The following TMEM151B variants were observed in gnomAD, a reference collection of about 807,000 sequenced individuals.
TMEM151B encodes transmembrane protein 151B.
A neutral mutation model predicts 33.0 loss-of-function variants in TMEM151B; 18 were observed. The ratio of observed to expected loss-of-function variants is 0.55; its 90% CI spans 0.38 to 0.81. The LOEUF (loss-of-function observed/expected upper bound fraction) is 0.81, where lower values mean the gene tolerates loss of function less well. Among genes scored for constraint, TMEM151B ranks in the 30% least tolerant of loss-of-function variants. The probability of loss-of-function intolerance (pLI) is 0.00; values close to 1 mark genes in which losing one functional copy is unlikely to be tolerated. For missense variants in TMEM151B, 672 were observed against 843.4 expected (o/e 0.80, Z 2.52); for synonymous variants, 354 against 373.6 (o/e 0.95, Z 0.61).
rs1782676890 is a variant in TMEM151B, at chr6:44,278,419, T to C, written c.*1892T>C. 1 of 152,398 alleles carries C rather than the reference T, an allele frequency of 6.6e-6. No homozygotes were observed. The highest frequency in any genetic ancestry group is 2.4e-5 in the African/African-American group (1 of 41,466). The allele number at this position is 152,398 out of a possible 1,614,324, so 9.4% of individuals were successfully genotyped here. On this transcript the variant is annotated 3_prime_UTR_variant, in exon 3 of 3. Transcript: ENST00000451188. ...CTGTGCTCCTTGGGGGCCTGGCGTT[T>C]GGAGCACCCTTCTTTCCTCTGAATG...
At chr6:44,273,579 C>T in intron 2 of TMEM151B, 73 bp downstream of exon 2, 1 of 1,462,486 alleles carries the variant, frequency 6.8e-7, no homozygotes, top group Non-Finnish European at 9.2e-7. Flanking sequence ...ACTCCCTCCC[C>T]ACCTCCCTGG....
chr6:44,270,945 G>A, intron 1 of TMEM151B, 68 bp downstream of exon 1: 20 of 992,880 alleles, frequency 2.0e-5, no homozygotes, highest in Non-Finnish European at 2.4e-5. Context: ...CATCGCACGC[G>A]TCCCCCGCTG....
At position 44,277,305 on chromosome 6, in the gene TMEM151B, G is replaced by C. The variant is rs1286521299; in HGVS notation, c.*778G>C. 2.0e-5 allele frequency: 3 copies of C among 152,342 alleles called. No homozygotes were observed. Among genetic ancestry groups the C allele is most frequent in the Non-Finnish European group, 4.4e-5 (3 of 68,122 alleles). The allele number at this position is 152,342 out of a possible 1,614,324, so 9.4% of individuals were successfully genotyped here. ...AGGGGAGTGAAATGTGGAGGACTGT[G>C]TACCTCAGTCCTCTCTCTAAACTCC... On this transcript the variant is annotated 3_prime_UTR_variant, in exon 3 of 3. Transcript: ENST00000451188.
Position 44,275,722 on chromosome 6 carries a change from C to A in TMEM151B, c.896C>A (p.Ser299Ter). The A allele has an allele frequency of 6.5e-7, 1 of 1,549,258 alleles. No homozygotes were observed. The highest frequency in any genetic ancestry group is 8.7e-7 in the Non-Finnish European group (1 of 1,146,242). Residue 299 changes from serine (S) to a stop codon, truncating the protein, a stop_gained, in exon 3 of 3, where the codon TCG becomes TAG. Coordinates refer to ENST00000451188, the MANE Select transcript of TMEM151B (RefSeq NM_001137560.2). LOFTEE classifies it high-confidence loss of function. ...GCCCGGCCGCCCTGGTACGCCTGCT[C>A]GTCGGCCTTCTGGGCCGCGGCGCTG... Reference protein sequence around the residue: ...DPARPPWYACSSAFWAAALLT... With the variant: ...DPARPPWYAC
At position 44,270,708 on chromosome 6, in the gene TMEM151B, G is replaced by C; in HGVS notation, c.-35G>C. On this transcript the variant is annotated 5_prime_UTR_variant, in exon 1 of 3. Transcript: ENST00000451188. ...TGCCCCCGGCCCCTGGCAGCCCCCC[G>C]GGAGGTCCTGAGCTCGACGCGCCCC... 1 of 879,000 alleles carries C rather than the reference G, an allele frequency of 1.1e-6. No individual in the cohort carries two copies. The highest frequency in any genetic ancestry group is 1.4e-6 in the Non-Finnish European group (1 of 698,284). The allele number at this position is 879,000 out of a possible 1,614,324, so 54.5% of individuals were successfully genotyped here.
rs916593364 is a variant in TMEM151B, at chr6:44,276,595, A to G, written c.*68A>G. The G allele has an allele frequency of 7.7e-7, 1 of 1,302,836 alleles. No individual in the cohort carries two copies. The highest frequency in any genetic ancestry group is 9.8e-7 in the Non-Finnish European group (1 of 1,025,276). 80.7% of individuals were successfully genotyped at this position (1,302,836 alleles called of 1,614,324 possible). On this transcript the variant is annotated 3_prime_UTR_variant, in exon 3 of 3. Coordinates refer to ENST00000451188, the MANE Select transcript of TMEM151B (RefSeq NM_001137560.2). ...CTCGCCGGACTGTGCTCCCTCTGCG[A>G]CGCAGGGCGAGTCACCACGGTGACT...
Position 44,276,366 on chromosome 6 carries a change from G to C in TMEM151B, c.1540G>C (p.Gly514Arg), listed in dbSNP as rs886626937. 1 of 1,511,190 alleles carries C rather than the reference G, an allele frequency of 6.6e-7. No homozygotes were observed. Among genetic ancestry groups the C allele is most frequent in the Non-Finnish European group, 8.8e-7 (1 of 1,135,322 alleles). The allele number at this position is 1,511,190 out of a possible 1,614,324, so 93.6% of individuals were successfully genotyped here. ...QTRLSSQASM[G>R]DDEDDDEEEA... ...GCGGCTGTCCAGCCAGGCCAGCATGGGGGACGACGAGGACGACGACGAGGA... is the reference window on the plus strand; with the variant it reads ...GCGGCTGTCCAGCCAGGCCAGCATGCGGGACGACGAGGACGACGACGAGGA... Residue 514 changes from glycine to arginine, a missense_variant, in exon 3 of 3, where the codon GGG (glycine) becomes CGG (arginine). This residue lies in a region of TMEM151B where 324 missense variants were observed against 363.1 expected (regional missense o/e 0.89). Coordinates refer to ENST00000451188, the MANE Select transcript of TMEM151B (RefSeq NM_001137560.2).
In TMEM151B at chr6:44,277,815, A is replaced by C. The variant is rs1782652202; in HGVS notation, c.*1288A>C. 6.6e-6 allele frequency: 1 copy of C among 152,462 alleles called. No homozygotes were observed. The highest frequency in any genetic ancestry group is 2.4e-5 in the African/African-American group (1 of 41,404). The allele number at this position is 152,462 out of a possible 1,614,324, so 9.4% of individuals were successfully genotyped here. A position where few individuals can be genotyped will look rare whatever the true frequency, so the allele number is the denominator to read the frequency against. On this transcript the variant is annotated 3_prime_UTR_variant, in exon 3 of 3. Coordinates refer to ENST00000451188, the MANE Select transcript of TMEM151B (RefSeq NM_001137560.2). ...GCCACCACCCCAGGGCGCTGGCCCC[A>C]CGTCCTGTTCCCCTAAAGCTCTGAC...
In TMEM151B at chr6:44,270,754, T is replaced by C. The variant is rs1210479685; in HGVS notation, c.12T>C (p.Pro4=). The change falls in exon 1 of 3, where the codon CCT becomes CCC. Residue 4 remains proline (P), a synonymous_variant. Coordinates refer to ENST00000451188, the MANE Select transcript of TMEM151B (RefSeq NM_001137560.2). ...GCCCCCTCTACGCCATGTCCCCCCC[T>C]GGCTCGGCCGCGGGAGAGAGCGCCG... MSP[P]GSAAGESAAG... 3.0e-6 allele frequency: 3 copies of C among 1,011,898 alleles called. No individual in the cohort carries two copies. The African/African-American group carries it at 5.6e-5, about 19-fold the overall frequency. The allele number at this position is 1,011,898 out of a possible 1,614,324, so 62.7% of individuals were successfully genotyped here.
At position 44,275,786 on chromosome 6, in the gene TMEM151B, C is replaced by T. The variant is rs895324590; in HGVS notation, c.960C>T (p.Tyr320=). 1.2e-5 allele frequency: 19 copies of T among 1,543,346 alleles called. No individual in the cohort carries two copies. The highest frequency in any genetic ancestry group is 1.7e-5 in the Non-Finnish European group (19 of 1,145,062). The change falls in exon 3 of 3, where the codon TAC becomes TAT. Residue 320 remains tyrosine (Y), a synonymous_variant. Coordinates refer to ENST00000451188, the MANE Select transcript of TMEM151B (RefSeq NM_001137560.2). Reference sequence around the variant, plus strand: ...GGCCGCTGCGAGTGCTGGCCGAGTACCGCACGGCCTACGCGCACTACCACG... The same window carrying T: ...GGCCGCTGCGAGTGCTGGCCGAGTATCGCACGGCCTACGCGCACTACCACG... ...LSWPLRVLAE[Y]RTAYAHYHVE... is the part of the protein sequence containing the mutation.
Position 44,270,677 on chromosome 6 carries a change from G to T in TMEM151B, c.-66G>T. On this transcript the variant is annotated 5_prime_UTR_variant, in exon 1 of 3. Transcript: ENST00000451188. The stretch of plus-strand genomic sequence containing the variant: ...CTCCCGTCCTCTCCCCAGGGCCCGC[G>T]CAGGATGCCCCCGGCCCCTGGCAGC... 2.5e-6 allele frequency: 1 copy of T among 393,252 alleles called. No homozygotes were observed. The highest frequency in any genetic ancestry group is 3.7e-6 in the Non-Finnish European group (1 of 268,034). The allele number at this position is 393,252 out of a possible 1,614,324, so 24.4% of individuals were successfully genotyped here. A position where few individuals can be genotyped will look rare whatever the true frequency, so the allele number is the denominator to read the frequency against.
At position 44,278,507 on chromosome 6, in the gene TMEM151B, C is replaced by T. The variant is rs976318941; in HGVS notation, c.*1980C>T. The T allele has an allele frequency of 6.6e-6, 1 of 152,240 alleles. No homozygotes were observed. The highest frequency in any genetic ancestry group is 2.4e-5 in the African/African-American group (1 of 41,438). The allele number at this position is 152,240 out of a possible 1,614,324, so 9.4% of individuals were successfully genotyped here. The stretch of plus-strand genomic sequence containing the variant: ...GGCTCCATTTCTTAGCCAGCTGGCA[C>T]CTGGATGTCATGCTTTGTGTGGGGA... On this transcript the variant is annotated 3_prime_UTR_variant, in exon 3 of 3. Coordinates refer to ENST00000451188, the MANE Select transcript of TMEM151B (RefSeq NM_001137560.2).
At chr6:44,271,369 G>GTGTGTGT (rs35554649) in intron 1 of TMEM151B, among the ~76,000 whole-genome samples, 1 of 27,956 alleles carries the variant, frequency 3.6e-5, no homozygotes, top group African/African-American at 9.8e-5. Context: ...GTGTGTGTGT[G>GTGTGTGT]GGGGGGGGTG....
At position 44,275,402 on chromosome 6, in the gene TMEM151B, G is replaced by C; in HGVS notation, c.577-1G>C. On this transcript the variant is annotated splice_acceptor_variant, in intron 2 of 2. Coordinates refer to ENST00000451188, the MANE Select transcript of TMEM151B (RefSeq NM_001137560.2). LOFTEE classifies it high-confidence loss of function. ...CCCGCCGCCTGCCCCCCGCGCCGCA[G>C]GTCTACCACGAACGCGTCAACACGC... The C allele has an allele frequency of 6.6e-7, 1 of 1,510,140 alleles. No homozygotes were observed. Among genetic ancestry groups the C allele is most frequent in the Non-Finnish European group, 8.9e-7 (1 of 1,124,318 alleles). The allele number at this position is 1,510,140 out of a possible 1,614,324, so 93.5% of individuals were successfully genotyped here. A position where few individuals can be genotyped will look rare whatever the true frequency, so the allele number is the denominator to read the frequency against.
chr6:44,273,332 C>T lies in TMEM151B; in HGVS notation c.402C>T (p.Cys134=), dbSNP rs1274810049. The T allele has an allele frequency of 6.4e-7, 1 of 1,551,516 alleles. No individual in the cohort carries two copies. Among genetic ancestry groups the T allele is most frequent in the Admixed American group, 2.0e-5 (1 of 51,014 alleles). The change falls in exon 2 of 3, where the codon TGC becomes TGT. Residue 134 remains cysteine (C), a synonymous_variant. Coordinates refer to ENST00000451188, the MANE Select transcript of TMEM151B (RefSeq NM_001137560.2). ...YAVYLVECWH[C]QARHELQHRV... ...TCTACCTGGTGGAGTGTTGGCACTGCCAAGCCCGCCATGAGCTGCAGCACC... is the reference window on the plus strand; with the variant it reads ...TCTACCTGGTGGAGTGTTGGCACTGTCAAGCCCGCCATGAGCTGCAGCACC...
intron 1 of TMEM151B, among the ~76,000 whole-genome samples, chr6:44,272,188 T>C (rs575141737): frequency 4.6e-5 from 7 of 152,140 alleles, no homozygotes; most frequent in Non-Finnish European, 1.0e-4. Context: ...TAATTTTCTC[T>C]TGATAAATTG....
Position 44,275,726 on chromosome 6 carries a change from G to C in TMEM151B, c.900G>C (p.Ser300=), listed in dbSNP as rs3734709. The C allele has an allele frequency of 5.0e-5, 78 of 1,548,478 alleles. 2 individuals carry two copies. The South Asian group carries it at 9.0e-4, about 18-fold the overall frequency. ...GGCCGCCCTGGTACGCCTGCTCGTC[G>C]GCCTTCTGGGCCGCGGCGCTGCTCA... ...PARPPWYACS[S]AFWAAALLTL... The change falls in exon 3 of 3, where the codon TCG becomes TCC. Residue 300 remains serine (S), a synonymous_variant. Transcript: ENST00000451188.
rs868789557 is a variant in TMEM151B, at chr6:44,271,103, G to A, written c.135+226G>A. Among the ~76,000 whole-genome samples the A allele has an allele frequency of 7.9e-4, 120 of 151,532 alleles. 1 individual carries two copies. The highest frequency in any genetic ancestry group is 2.1e-3 in the Admixed American group (32 of 15,254). On this transcript the variant is annotated intron_variant, in intron 1 of 2. Coordinates refer to ENST00000451188, the MANE Select transcript of TMEM151B (RefSeq NM_001137560.2). Reference sequence around the variant, plus strand: ...GGCGGGGCTCAGGGGTCCCGGGCAGGGGGAGGGGCCTAGGGGCGGAGCCTC... The same window carrying A: ...GGCGGGGCTCAGGGGTCCCGGGCAGAGGGAGGGGCCTAGGGGCGGAGCCTC...
rs937777904 is a variant in TMEM151B at position 44,278,867 on chromosome 6, C to CTA, written c.*2343_*2344dup. 2.3e-4 allele frequency: 15 copies of CTA among 64,172 alleles called. No individual in the cohort carries two copies. Among genetic ancestry groups the CTA allele is most frequent in the African/African-American group, 5.7e-4 (13 of 22,832 alleles). The allele number at this position is 64,172 out of a possible 1,614,324, so 4.0% of individuals were successfully genotyped here. On this transcript the variant is annotated 3_prime_UTR_variant, in exon 3 of 3. Coordinates refer to ENST00000451188, the MANE Select transcript of TMEM151B (RefSeq NM_001137560.2). ...TTAGAACTTCTGCTAGCAGCTGTGGCTATACACACACACACACACACACAC... is the reference window on the plus strand; with the variant it reads ...TTAGAACTTCTGCTAGCAGCTGTGGCTATATACACACACACACACACACACAC...
Sources: gnomAD v4.1 joint callset for allele counts (sites outside exome capture counted in the v4.1 genomes callset) on GRCh38, gnomAD v4.1.1 for gene constraint, gnomAD v4.1.1 regional missense constraint, MANE v1.5 for transcripts, NCBI Gene and HGNC (gene_info 2026-07-23, HGNC 2026-07-21) for gene names.